Variants in ACSL3 observed in about 807,000 individuals in gnomAD.
The protein encoded by ACSL3 is fatty acid CoA ligase Acsl3.
Under a neutral mutation model 84.7 loss-of-function variants are expected in ACSL3, and 34 were observed. The observed-to-expected ratio is 0.40, with a 90% CI of 0.31 to 0.53. ACSL3 has a LOEUF of 0.53. ACSL3 is among the 20% of genes least tolerant of loss of function. ACSL3 has a pLI of 0.48. For missense variants in ACSL3, 680 were observed against 873.1 expected (o/e 0.78, Z 2.79); for synonymous variants, 315 against 299.4 (o/e 1.05, Z -0.54).
chr2:222,878,803 T>C (rs953890124), intron 1 of ACSL3, among the ~76,000 whole-genome samples: 1 of 152,196 alleles, frequency 6.6e-6, no homozygotes, highest in Non-Finnish European at 1.5e-5. Context: ...TCTGGAAATG[T>C]AGACTTTAAT....
Position 222,862,333 on chromosome 2 carries a change from G to GTT in ACSL3, c.-207+1076_-207+1077insTT, listed in dbSNP as rs201535386. 2.6e-5 allele frequency among the ~76,000 whole-genome samples: 4 copies of GTT among 152,332 alleles called. No homozygotes were observed. In the East Asian group the frequency reaches 5.8e-4, roughly 22 times the overall value. Reference sequence around the variant, plus strand: ...AAGAAGCTGGGATTCAGACAGGCCTGTGTAAATCCAGAGCTCTGAAATCTA... The same window carrying GTT: ...AAGAAGCTGGGATTCAGACAGGCCTGTTTGTAAATCCAGAGCTCTGAAATCTA... On this transcript the variant is annotated intron_variant, in intron 1 of 16. Transcript: ENST00000357430.
At chr2:222,919,225 C>T in intron 7 of ACSL3, 23 bp downstream of exon 7, 2 of 1,609,964 alleles carry the variant, frequency 1.2e-6, no homozygotes, top group Non-Finnish European at 1.7e-6. Context: ...TTTCTAATTC[C>T]TTACCTGTGC....
At chr2:222,903,671 A>G (rs188111899) in intron 3 of ACSL3, among the ~76,000 whole-genome samples, 43 of 152,382 alleles carry the variant, frequency 2.8e-4, no homozygotes, top group African/African-American at 1.0e-3. Context: ...GAATAAATTT[A>G]AACTATGTAT....
At chr2:222,914,222 GGTGTGTGTGTACGTGT>G (rs1283095400) in intron 4 of ACSL3, among the ~76,000 whole-genome samples, 1 of 145,108 alleles carries the variant, frequency 6.9e-6, no homozygotes, top group African/African-American at 2.6e-5. Context: ...AAGGGTGGAA[GGTGTGTGTGTACGTGT>G]GTGTGTGTGT....
At chr2:222,884,798 T>C in intron 1 of ACSL3, among the ~76,000 whole-genome samples, 1 of 152,230 alleles carries the variant, frequency 6.6e-6, no homozygotes, top group East Asian at 1.9e-4. Flanking sequence ...CTGAAATTTC[T>C]CTTTTCTTGT....
rs185300864 is a variant in ACSL3, at chr2:222,935,930, T to A, written c.2005+1243T>A. On this transcript the variant is annotated intron_variant, in intron 16 of 16. Coordinates refer to ENST00000357430, the MANE Select transcript of ACSL3 (RefSeq NM_004457.5). Reference sequence around the variant, plus strand: ...ACCCATTACACTAATTCCCCTTCCCTCTCTCCCCCTTCCCTCCACCTTTTT... The same window carrying A: ...ACCCATTACACTAATTCCCCTTCCCACTCTCCCCCTTCCCTCCACCTTTTT... Among the ~76,000 whole-genome samples, 715 of 152,214 alleles carry A rather than the reference T, an allele frequency of 4.7e-3. 2 individuals are homozygous for A. The highest frequency in any genetic ancestry group is 7.9e-3 in the Non-Finnish European group (536 of 68,006).
intron 1 of ACSL3, among the ~76,000 whole-genome samples, chr2:222,865,660 A>G (rs1007385763): frequency 1.3e-5 from 2 of 152,236 alleles, no homozygotes; most frequent in African/African-American, 4.8e-5. Context: ...CAGAGCAGGC[A>G]CAGAGTAGGG....
chr2:222,875,715 G>T (rs1695429035), intron 1 of ACSL3, among the ~76,000 whole-genome samples: 1 of 152,114 alleles, frequency 6.6e-6, no homozygotes, highest in African/African-American at 2.4e-5. Context: ...ATTGCTGCTT[G>T]ACGGGTTGTT....
intron 16 of ACSL3, 26 bp from the exon 17 acceptor site, chr2:222,941,471 C>CTTTTTTTTT (rs5838973): frequency 1.4e-6 from 2 of 1,380,370 alleles, no homozygotes; most frequent in Non-Finnish European, 2.0e-6. Flanking sequence ...ACCTTTTCTT[C>CTTTTTTTTT]TTTTCTTTTT....
chr2:222,908,650 A>C (rs1378085107), intron 3 of ACSL3, 83 bp from the exon 4 acceptor site: 1 of 982,928 alleles, frequency 1.0e-6, no homozygotes, highest in East Asian at 2.6e-5. Context: ...AGAAAAAAAA[A>C]AATCTTCATT....
At chr2:222,886,549 ATAAC>A (rs949045070) in intron 1 of ACSL3, among the ~76,000 whole-genome samples, 7 of 152,360 alleles carry the variant, frequency 4.6e-5, no homozygotes, top group African/African-American at 1.4e-4. Flanking sequence ...ATTCTTAAAA[ATAAC>A]TATATAATGA....
intron 1 of ACSL3, among the ~76,000 whole-genome samples, chr2:222,874,949 A>G (rs1695407758): frequency 6.6e-6 from 1 of 150,552 alleles, no homozygotes; most frequent in Non-Finnish European, 1.5e-5. Flanking sequence ...TCTACCAACA[A>G]AAAAAAAAGA....
intron 2 of ACSL3, among the ~76,000 whole-genome samples, chr2:222,899,234 A>C (rs1397368720): frequency 1.3e-5 from 2 of 152,316 alleles, no homozygotes; most frequent in South Asian, 4.1e-4. Context: ...TGAAAGAAAA[A>C]TTGACAGATT....
Position 222,919,221 on chromosome 2 carries a change from AT to A in ACSL3, c.805+21del, listed in dbSNP as rs746055510. On this transcript the variant is annotated intron_variant, in intron 7 of 16. Transcript: ENST00000357430. ...AGCATGGGTATGTTACACTTTTCTA[AT>A]TCCTTACCTGTGCTTTCTGGTGACC... 1.2e-6 allele frequency: 2 copies of A among 1,611,640 alleles called. No individual in the cohort carries two copies. The highest frequency in any genetic ancestry group is 2.2e-5 in the South Asian group (2 of 90,638).
At chr2:222,916,228 C>G in intron 4 of ACSL3, 91 bp from the exon 5 acceptor site, 1 of 797,790 alleles carries the variant, frequency 1.3e-6, no homozygotes, top group Non-Finnish European at 1.8e-6. Flanking sequence ...ACGTAACTTT[C>G]TGGTTCATCA....
At chr2:222,913,066 G>A (rs1157966041) in intron 4 of ACSL3, among the ~76,000 whole-genome samples, 1 of 152,140 alleles carries the variant, frequency 6.6e-6, no homozygotes, top group South Asian at 2.1e-4. Context: ...AAGAGTACAA[G>A]CTGGCTCATA....
intron 2 of ACSL3, among the ~76,000 whole-genome samples, chr2:222,893,124 T>C (rs1220221743): frequency 6.6e-6 from 1 of 152,170 alleles, no homozygotes; most frequent in African/African-American, 2.4e-5. Flanking sequence ...GATTGAGTGG[T>C]GGGCAGGATT....
intron 16 of ACSL3, 138 bp from the exon 17 acceptor site, chr2:222,941,359 A>C: frequency 1.6e-6 from 1 of 631,702 alleles, no homozygotes; most frequent in Non-Finnish European, 2.6e-6. Flanking sequence ...ATTTTGAGGA[A>C]TAGATTCTTT....
At chr2:222,937,103 T>C (rs375162198) in intron 16 of ACSL3, among the ~76,000 whole-genome samples, 2 of 152,342 alleles carry the variant, frequency 1.3e-5, no homozygotes, top group Admixed American at 6.5e-5. Context: ...AAATTTCTTT[T>C]AGTAACATTT....
Sources: gnomAD v4.1 joint callset for allele counts (sites outside exome capture counted in the v4.1 genomes callset) on GRCh38, gnomAD v4.1.1 for gene constraint, MANE v1.5 for transcripts, NCBI Gene and HGNC (gene_info 2026-07-23, HGNC 2026-07-21) for gene names.